MALRD1: variants seen among roughly 807,000 people sequenced by gnomAD.
MALRD1 encodes the protein MAM and LDL receptor class A domain containing 1, also known as MAM and LDL-receptor class A domain-containing protein 1.
MALRD1 carries 247 observed loss-of-function variants against 242.1 expected under a neutral mutation model. That is an observed-to-expected ratio of 1.02 (90% CI 0.92 to 1.13). MALRD1 has a LOEUF of 1.13. MALRD1 is among the 50% of genes most tolerant of loss of function. The pLI, the probability that MALRD1 is intolerant of heterozygous loss-of-function variation, is 0.00. For missense variants in MALRD1, 2,989 were observed against 2,533.1 expected, an observed-to-expected ratio of 1.18 and a Z score of -3.86; for synonymous variants, 995 against 866.6, an observed-to-expected ratio of 1.15 and a Z score of -2.60.
At chr10:19,057,846 C>T (rs2131216900) in intron 1 of MALRD1, among the ~76,000 whole-genome samples, 1 of 152,142 alleles carries the variant, frequency 6.6e-6, no homozygotes, top group South Asian at 2.1e-4. Context: ...AAAGAATTTT[C>T]ATTATTAGGT....
chr10:19,142,464 T>C (rs1833584360), intron 10 of MALRD1, among the ~76,000 whole-genome samples: 1 of 152,218 alleles, frequency 6.6e-6, no homozygotes. Context: ...TTTTCTCAGC[T>C]GAACAATGAA....
chr10:19,138,286 T>C (rs1833422543), intron 10 of MALRD1, among the ~76,000 whole-genome samples: 1 of 152,124 alleles, frequency 6.6e-6, no homozygotes. Context: ...GTGAAGTTTC[T>C]TTCTATGTTT....
At chr10:19,428,188 G>C (rs148836605) in intron 28 of MALRD1, among the ~76,000 whole-genome samples, 50 of 151,838 alleles carry the variant, frequency 3.3e-4, no homozygotes, top group African/African-American at 1.1e-3. Flanking sequence ...TAGGAGATGG[G>C]TGGATGATCT....
At chr10:19,453,149 T>G (rs1473762578) in intron 29 of MALRD1, among the ~76,000 whole-genome samples, 1 of 152,182 alleles carries the variant, frequency 6.6e-6, no homozygotes, top group Admixed American at 6.5e-5. Context: ...CAACTTCAGA[T>G]CATAAACTAC....
At chr10:19,690,552 A>C (rs2131819117) in intron 36 of MALRD1, among the ~76,000 whole-genome samples, 1 of 152,138 alleles carries the variant, frequency 6.6e-6, no homozygotes, top group Non-Finnish European at 1.5e-5. Context: ...TTTTATTTTT[A>C]TAGGCAAACT....
intron 32 of MALRD1, among the ~76,000 whole-genome samples, chr10:19,547,073 T>C (rs989475584): frequency 6.6e-6 from 1 of 152,272 alleles, no homozygotes; most frequent in East Asian, 1.9e-4. Context: ...ATACTGTTCA[T>C]TGAGAGAAAA....
At chr10:19,175,108 G>A (rs1835174840) in intron 13 of MALRD1, 100 bp from the exon 14 acceptor site, 22 of 826,002 alleles carry the variant, frequency 2.7e-5, no homozygotes, top group Non-Finnish European at 3.4e-5. Context: ...ATTGGAGAAT[G>A]GGACAGATGT....
In MALRD1 at chr10:19,094,509, T is replaced by A. The variant is rs371481581; in HGVS notation, c.597+6324T>A. The stretch of plus-strand genomic sequence containing the variant: ...CACTGTCTGGCACTCCCTAGTGAGA[T>A]GAACCCGGTACCTCAGATGGAAATG... On this transcript the variant is annotated intron_variant, in intron 4 of 39. Coordinates refer to ENST00000454679, the MANE Select transcript of MALRD1 (RefSeq NM_001142308.3). Among the ~76,000 whole-genome samples, 13 of 150,584 alleles carry A rather than the reference T, an allele frequency of 8.6e-5. No individual in the cohort carries two copies. The South Asian group carries it at 1.7e-3, about 20-fold the overall frequency.
intron 33 of MALRD1, among the ~76,000 whole-genome samples, chr10:19,578,493 A>G (rs1836939833): frequency 6.6e-6 from 1 of 152,142 alleles, no homozygotes; most frequent in Non-Finnish European, 1.5e-5. Context: ...GGTGTTTGAG[A>G]CCACCCTGGC....
chr10:19,258,851 G>C (rs1295654723), intron 19 of MALRD1, among the ~76,000 whole-genome samples: 3 of 152,038 alleles, frequency 2.0e-5, no homozygotes, highest in Admixed American at 6.6e-5. Flanking sequence ...ATTACCAGTT[G>C]CCTCTCAATC....
intron 29 of MALRD1, among the ~76,000 whole-genome samples, chr10:19,478,781 A>G (rs1368553340): frequency 1.3e-5 from 2 of 152,148 alleles, no homozygotes; most frequent in Admixed American, 1.3e-4. Flanking sequence ...GTGTTTATAT[A>G]GAGTATCAAA....
In MALRD1 at chr10:19,128,384, T is replaced by C; in HGVS notation, c.1107T>C (p.Asn369=). 3 of 1,232,580 alleles carry C rather than the reference T, an allele frequency of 2.4e-6. No individual in the cohort carries two copies. The highest frequency in any genetic ancestry group is 3.0e-6 in the Non-Finnish European group (3 of 987,068). The allele number at this position is 1,232,580 out of a possible 1,614,324, so 76.4% of individuals were successfully genotyped here. The change falls in exon 8 of 40, where the codon AAT becomes AAC. Residue 369 remains asparagine (N), a synonymous_variant. Coordinates refer to ENST00000454679, the MANE Select transcript of MALRD1 (RefSeq NM_001142308.3). ...SSVLRVRLYN[N]KEEEIFWTYN... ...TCCTGAGAGTAAGACTGTATAATAA[T>C]AAGGTAAGAAGAAAGTTGCATTTAT... is the stretch of plus-strand genomic sequence containing the variant.
intron 36 of MALRD1, among the ~76,000 whole-genome samples, chr10:19,670,104 A>G (rs1270209562): frequency 6.6e-6 from 1 of 152,044 alleles, no homozygotes; most frequent in Non-Finnish European, 1.5e-5. Context: ...ACACACACAC[A>G]CACACATAGT....
intron 36 of MALRD1, among the ~76,000 whole-genome samples, chr10:19,636,048 G>T (rs982398507): frequency 1.3e-4 from 19 of 151,750 alleles, no homozygotes; most frequent in Non-Finnish European, 5.9e-5. Flanking sequence ...TTACAGACAC[G>T]CACCACCACG....
chr10:19,638,101 C>CAAAAAAAAAAAAA lies in MALRD1; in HGVS notation c.6137+22193_6137+22205dup, dbSNP rs56865342. ...GGGCAACAAGAGAGAAACTCACTCT[C>CAAAAAAAAAAAAA]AAAAAAAAAAAAAAAAAAAAAAAAA... On this transcript the variant is annotated intron_variant, in intron 36 of 39. Transcript: ENST00000454679. 4.3e-4 allele frequency among the ~76,000 whole-genome samples: 18 copies of CAAAAAAAAAAAAA among 41,924 alleles called. 2 individuals carry two copies. In the East Asian group the frequency reaches 0.013, roughly 30 times the overall value. 27.5% of individuals were successfully genotyped at this position (41,924 alleles called of 152,430 possible).
intron 1 of MALRD1, among the ~76,000 whole-genome samples, chr10:19,057,091 T>C (rs1274881222): frequency 6.6e-6 from 1 of 152,140 alleles, no homozygotes; most frequent in East Asian, 1.9e-4. Flanking sequence ...TTGTTGAAAA[T>C]GTTTGCATCT....
At chr10:19,430,332 A>G (rs1298064832) in intron 28 of MALRD1, among the ~76,000 whole-genome samples, 1 of 151,278 alleles carries the variant, frequency 6.6e-6, no homozygotes, top group African/African-American at 2.4e-5. Flanking sequence ...GTTAGCCAGG[A>G]TGGTCTTGAT....
chr10:19,528,595 A>T (rs538031521), intron 31 of MALRD1, among the ~76,000 whole-genome samples: 1 of 151,906 alleles, frequency 6.6e-6, no homozygotes, highest in East Asian at 1.9e-4. Context: ...CCGTCTCTAA[A>T]TAAATAAAGA....
chr10:19,638,995 C>T (rs79711488), intron 36 of MALRD1, among the ~76,000 whole-genome samples: 2,776 of 150,954 alleles, frequency 0.018, 48 homozygotes, highest in East Asian at 0.036. Context: ...GGGGTGGGAG[C>T]GGGGTGAAGG....
Sources: allele counts gnomAD v4.1 joint callset (sites outside exome capture counted in the v4.1 genomes callset), GRCh38; gene constraint gnomAD v4.1.1; transcripts MANE v1.5; gene names NCBI Gene and HGNC (gene_info 2026-07-23, HGNC 2026-07-21).